The following HTRA3 variants were observed in gnomAD, a reference collection of about 807,000 sequenced individuals.
HTRA3 encodes serine protease HTRA3.
A neutral mutation model predicts 43.2 loss-of-function variants in HTRA3; 41 were observed. The observed-to-expected ratio is 0.95, with a 90% CI of 0.74 to 1.23. HTRA3 has a LOEUF of 1.23. HTRA3 is among the 50% of genes most tolerant of loss of function. The pLI is 0.00. For missense variants in HTRA3, 628 were observed against 647.1 expected (o/e 0.97, Z 0.32); for synonymous variants, 295 against 287.9 (o/e 1.02, Z -0.25).
At chr4:8,270,541 C>G (rs540588507) in intron 1 of HTRA3, among the ~76,000 whole-genome samples, 188 bp downstream of exon 1, 3 of 152,314 alleles carry the variant, frequency 2.0e-5, no homozygotes, top group Non-Finnish European at 4.4e-5. Flanking sequence ...ACCGCTGTCC[C>G]CAAGGTCACA....
In HTRA3 at chr4:8,279,898, C is replaced by A. The variant is rs542296134; in HGVS notation, c.386-2539C>A. On this transcript the variant is annotated intron_variant, in intron 1 of 8. Coordinates refer to ENST00000307358, the MANE Select transcript of HTRA3 (RefSeq NM_053044.5). The surrounding 1 kb of genome is among the most constrained non-coding windows in gnomAD (Gnocchi z 7.4). The stretch of plus-strand genomic sequence containing the variant: ...TGGTCGGTCACTGACTTGACCCTTG[C>A]CCCCAGCTGAACCACTGTGTCTCCA... Among the ~76,000 whole-genome samples, 182 of 152,326 alleles carry A rather than the reference C, an allele frequency of 1.2e-3. No homozygotes were observed. The highest frequency in any genetic ancestry group is 2.0e-3 in the Non-Finnish European group (135 of 68,036).
chr4:8,287,316 T>C (rs1713030623), intron 3 of HTRA3, among the ~76,000 whole-genome samples: 1 of 152,180 alleles, frequency 6.6e-6, no homozygotes, highest in South Asian at 2.1e-4. Flanking sequence ...AGCCAGGCGC[T>C]GACTGCACTC....
At position 8,286,830 on chromosome 4, in the gene HTRA3, G is replaced by C. The variant is rs199507961; in HGVS notation, c.708+47G>C. 541 of 1,448,766 alleles carry C rather than the reference G, an allele frequency of 3.7e-4. No individual in the cohort carries two copies. Among genetic ancestry groups the C allele is most frequent in the Admixed American group, 9.5e-4 (52 of 54,728 alleles). The allele number at this position is 1,448,766 out of a possible 1,614,324, so 89.7% of individuals were successfully genotyped here. A position where few individuals can be genotyped will look rare whatever the true frequency, so the allele number is the denominator to read the frequency against. ...GGCGGAAGCACCTGGGGCTGGGCAT[G>C]GTGGCCTCTTCCCAGACGCCGGAAC... On this transcript the variant is annotated intron_variant, in intron 3 of 8. Coordinates refer to ENST00000307358, the MANE Select transcript of HTRA3 (RefSeq NM_053044.5). The surrounding 1 kb of genome is among the most constrained non-coding windows in gnomAD (Gnocchi z 4.9).
intron 1 of HTRA3, among the ~76,000 whole-genome samples, chr4:8,272,722 G>A (rs972575145): frequency 6.6e-6 from 1 of 152,260 alleles, no homozygotes; most frequent in East Asian, 1.9e-4. Context: ...GCCTGGGGAA[G>A]GATGGGGAGG....
In HTRA3 at chr4:8,292,299, A is replaced by G. The variant is rs775959556; in HGVS notation, c.904-22A>G. 5 of 1,611,388 alleles carry G rather than the reference A, an allele frequency of 3.1e-6. No homozygotes were observed. In the East Asian group the frequency reaches 1.1e-4, roughly 36 times the overall value. On this transcript the variant is annotated intron_variant, in intron 4 of 8. Coordinates refer to ENST00000307358, the MANE Select transcript of HTRA3 (RefSeq NM_053044.5). ...CCTCAGGCGGGGTCAGGCACAGCTA[A>G]TGCTGTTTCCTCCCCTTGCAGTACG...
At position 8,306,220 on chromosome 4, in the gene HTRA3, C is replaced by G; in HGVS notation, c.*84C>G. 1 of 1,407,148 alleles carries G rather than the reference C, an allele frequency of 7.1e-7. No individual in the cohort carries two copies. Among genetic ancestry groups the G allele is most frequent in the Non-Finnish European group, 9.5e-7 (1 of 1,056,754 alleles). The allele number at this position is 1,407,148 out of a possible 1,614,324, so 87.2% of individuals were successfully genotyped here. On this transcript the variant is annotated 3_prime_UTR_variant, in exon 9 of 9. Coordinates refer to ENST00000307358, the MANE Select transcript of HTRA3 (RefSeq NM_053044.5). This position sits in a 1 kb window ranked among gnomAD's most constrained non-coding sequence, Gnocchi z 8.9. ...CCCCGAGATCAGGACGAAGGACCAC[C>G]GTCGGTCCTCAGCAGGGCGGCAGCC... is the stretch of plus-strand genomic sequence containing the variant.
At chr4:8,292,394 GTTC>G (rs775804901) in intron 5 of HTRA3, 41 bp downstream of exon 5, 1 of 1,579,956 alleles carries the variant, frequency 6.3e-7, no homozygotes, top group Non-Finnish European at 8.7e-7. Flanking sequence ...GGTTTCTGGG[GTTC>G]TTCTCACATG....
chr4:8,306,196 C>G lies in HTRA3; in HGVS notation c.*60C>G, dbSNP rs530094631. Reference sequence around the variant, plus strand: ...TGCAGACAACGGAGGGCAGCGCCCCCCCGAGATCAGGACGAAGGACCACCG... The same window carrying G: ...TGCAGACAACGGAGGGCAGCGCCCCGCCGAGATCAGGACGAAGGACCACCG... On this transcript the variant is annotated 3_prime_UTR_variant, in exon 9 of 9. Coordinates refer to ENST00000307358, the MANE Select transcript of HTRA3 (RefSeq NM_053044.5). The surrounding 1 kb of genome is among the most constrained non-coding windows in gnomAD (Gnocchi z 8.9). 1.6e-5 allele frequency: 24 copies of G among 1,492,944 alleles called. No homozygotes were observed. The highest frequency in any genetic ancestry group is 2.8e-5 in the African/African-American group (2 of 71,206). 92.5% of individuals were successfully genotyped at this position (1,492,944 alleles called of 1,614,324 possible).
At chr4:8,293,107 G>C (rs184895538) in intron 5 of HTRA3, among the ~76,000 whole-genome samples, 1 of 152,308 alleles carries the variant, frequency 6.6e-6, no homozygotes, top group African/African-American at 2.4e-5. Context: ...CAGACAAGGG[G>C]ACAATGAAAG....
chr4:8,282,531 C>T lies in HTRA3; in HGVS notation c.480C>T (p.Phe160=). ...CAGCCGTGGTCCACATAGAGCTCTT[C>T]CTGAGGTGGGTGAATACCCCTCGCC... The part of the protein sequence containing the change: ...IAPAVVHIEL[F]LRHPLFGRNV... Residue 160 remains phenylalanine, a synonymous_variant, in exon 2 of 9, where the codon TTC becomes TTT. Coordinates refer to ENST00000307358, the MANE Select transcript of HTRA3 (RefSeq NM_053044.5). The T allele has an allele frequency of 6.2e-7, 1 of 1,612,972 alleles. No homozygotes were observed. The highest frequency in any genetic ancestry group is 8.5e-7 in the Non-Finnish European group (1 of 1,179,024).
intron 5 of HTRA3, 70 bp from the exon 6 acceptor site, chr4:8,294,015 GAC>G: frequency 1.0e-6 from 1 of 978,850 alleles, no homozygotes; most frequent in Non-Finnish European, 1.6e-6. Flanking sequence ...CAGAGCTGTG[GAC>G]ACAGTGCTTT....
intron 1 of HTRA3, among the ~76,000 whole-genome samples, chr4:8,277,362 A>G (rs187737413): frequency 4.5e-4 from 68 of 152,250 alleles, no homozygotes; most frequent in Middle Eastern, 6.8e-3. Context: ...GTCTCTGAAG[A>G]GCATTCATTC....
chr4:8,300,870 TTTATTGATTCACACTCATCTTTA>T lies in HTRA3; in HGVS notation c.1052-1576_1052-1554del, dbSNP rs1713615038. Reference sequence around the variant, plus strand: ...TTTATTACTGACTCACACTCTTACCTTTATTGATTCACACTCATCTTTATTATTGATTCACACTCTCAGCTTTA... The same window carrying T: ...TTTATTACTGACTCACACTCTTACCTTTATTGATTCACACTCTCAGCTTTA... On this transcript the variant is annotated intron_variant, in intron 6 of 8. Coordinates refer to ENST00000307358, the MANE Select transcript of HTRA3 (RefSeq NM_053044.5). Among the ~76,000 whole-genome samples, 16 of 151,948 alleles carry T rather than the reference TTTATTGATTCACACTCATCTTTA, an allele frequency of 1.1e-4. 1 individual carries two copies. The South Asian group carries it at 3.4e-3, about 32-fold the overall frequency.
rs1713514291 is a variant in HTRA3, at chr4:8,297,999, C to T, written c.1051+3798C>T. On this transcript the variant is annotated intron_variant, in intron 6 of 8. Transcript: ENST00000307358. This position sits in a 1 kb window ranked among gnomAD's most constrained non-coding sequence, Gnocchi z 5.8. ...ATGCCTCATCCACTGTCAGCGAGTC[C>T]ATTGGCCCAGGCTTCAGGATGCATC... 6.6e-6 allele frequency among the ~76,000 whole-genome samples: 1 copy of T among 152,188 alleles called. No individual in the cohort carries two copies. Among genetic ancestry groups the T allele is most frequent in the Admixed American group, 6.5e-5 (1 of 15,282 alleles).
intron 1 of HTRA3, among the ~76,000 whole-genome samples, chr4:8,275,003 C>T (rs1014824115): frequency 2.6e-5 from 4 of 152,192 alleles, no homozygotes; most frequent in Admixed American, 6.5e-5. Flanking sequence ...CATCTGGGAC[C>T]ACTCAGGCAA....
At chr4:8,278,199 C>A (rs1437041505) in intron 1 of HTRA3, among the ~76,000 whole-genome samples, 1 of 152,094 alleles carries the variant, frequency 6.6e-6, no homozygotes, top group African/African-American at 2.4e-5. Flanking sequence ...CCCCAGGACT[C>A]CTGGGAGTTC....
At position 8,270,413 on chromosome 4, in the gene HTRA3, G is replaced by A. The variant is rs930523000; in HGVS notation, c.385+60G>A. ...TCTTTCTCTTGGGGAAACTAAGGCC[G>A]GGAGTTAGGGCCGAGCTCGAGGTCG... On this transcript the variant is annotated intron_variant, in intron 1 of 8. Transcript: ENST00000307358. 2.3e-4 allele frequency: 312 copies of A among 1,359,488 alleles called. 1 individual carries two copies. Among genetic ancestry groups the A allele is most frequent in the Admixed American group, 1.4e-3 (36 of 25,112 alleles). The allele number at this position is 1,359,488 out of a possible 1,614,324, so 84.2% of individuals were successfully genotyped here.
chr4:8,271,183 C>G (rs766800108), intron 1 of HTRA3, among the ~76,000 whole-genome samples: 1 of 151,856 alleles, frequency 6.6e-6, no homozygotes, highest in Non-Finnish European at 1.5e-5. Flanking sequence ...CCATGGGGAG[C>G]ACCAACTGCC....
intron 6 of HTRA3, among the ~76,000 whole-genome samples, chr4:8,300,461 G>C (rs543859586): frequency 6.6e-6 from 1 of 152,236 alleles, no homozygotes; most frequent in South Asian, 2.1e-4. Flanking sequence ...AGATTTGGTG[G>C]TTTGGAAATT....
Sources: allele counts gnomAD v4.1 joint callset (sites outside exome capture counted in the v4.1 genomes callset), GRCh38; gene constraint gnomAD v4.1.1; non-coding constraint Gnocchi (gnomAD v3.1); transcripts MANE v1.5; gene names NCBI Gene and HGNC (gene_info 2026-07-23, HGNC 2026-07-21).